SLC14A2: variants seen among roughly 807,000 people sequenced by gnomAD.
SLC14A2 encodes solute carrier family 14 member 2.
In SLC14A2, 91 loss-of-function variants were observed where a neutral mutation model predicts 104.6. That is an observed-to-expected ratio of 0.87 (90% CI 0.73 to 1.04). SLC14A2 has a LOEUF of 1.04. SLC14A2 is among the 50% of genes least tolerant of loss of function. The probability of loss-of-function intolerance (pLI) is 0.00; values close to 1 mark genes in which losing one functional copy is unlikely to be tolerated. For synonymous variants in SLC14A2, 476 were observed against 466.4 expected (o/e 1.02, Z -0.27); for missense variants, 1,189 against 1,156.0 (o/e 1.03, Z -0.41).
intron 2 of SLC14A2, among the ~76,000 whole-genome samples, chr18:45,552,190 G>A (rs2044065260): frequency 6.6e-6 from 1 of 152,086 alleles, no homozygotes; most frequent in Non-Finnish European, 1.5e-5. Context: ...AATGAAATGG[G>A]CCCAAGAAAA....
At chr18:45,613,416 C>T (rs768678604), upstream of SLC14A2, among the ~76,000 whole-genome samples, 1 of 152,130 alleles carries the variant, frequency 6.6e-6, no homozygotes, top group Non-Finnish European at 1.5e-5. Flanking sequence ...AATGTGGAAG[C>T]AAGTAGGGAA....
chr18:45,503,326 C>T lies in SLC14A2; in HGVS notation c.-35+20004C>T, dbSNP rs747332244. On this transcript the variant is annotated intron_variant, in intron 2 of 20. Coordinates refer to the SLC14A2 transcript ENST00000586448. ...ACAAGCTCTACAAGGGGTCTCTCCA[C>T]GTTATGTACATTAACCAAAATGGGG... Among the ~76,000 whole-genome samples the T allele has an allele frequency of 3.9e-5, 6 of 152,140 alleles. No homozygotes were observed. The South Asian group carries it at 8.3e-4, about 21-fold the overall frequency.
chr18:45,403,283 C>T (rs1241653957), intron 1 of SLC14A2, among the ~76,000 whole-genome samples: 4 of 152,172 alleles, frequency 2.6e-5, no homozygotes. Flanking sequence ...TCATTAATTA[C>T]CTCCTTAAAG....
chr18:45,300,138 C>G (rs935181393), intron 1 of SLC14A2, among the ~76,000 whole-genome samples: 6 of 152,144 alleles, frequency 3.9e-5, no homozygotes, highest in Admixed American at 6.5e-5. Context: ...AGGAAAAAAA[C>G]AAGACTGACC....
At chr18:45,173,587 T>G in the SLC14A2 span, among the ~76,000 whole-genome samples, 65 of 151,938 alleles carry the variant, frequency 4.3e-4, no homozygotes, top group Non-Finnish European at 7.4e-4. Flanking sequence ...GGTGTTTGGG[T>G]GCTGATGGGC....
intron 1 of SLC14A2, among the ~76,000 whole-genome samples, chr18:45,389,285 G>A (rs922088454): frequency 2.0e-5 from 3 of 152,184 alleles, no homozygotes; most frequent in Admixed American, 2.0e-4. Flanking sequence ...TTTGCTTATT[G>A]GTTTGATGCT....
At chr18:45,233,775 TC>T (rs2084198877) in intron 1 of SLC14A2, among the ~76,000 whole-genome samples, 1 of 16,216 alleles carries the variant, frequency 6.2e-5, no homozygotes, top group African/African-American at 2.3e-4. Context: ...CCGCCCCGAC[TC>T]CCCCTTCCCC....
At chr18:45,193,779 A>G in the SLC14A2 span, among the ~76,000 whole-genome samples, 1 of 152,170 alleles carries the variant, frequency 6.6e-6, no homozygotes, top group Non-Finnish European at 1.5e-5. Flanking sequence ...TTAGAATTAT[A>G]TTGATTCTAG....
At chr18:45,252,859 G>A (rs961376883) in intron 1 of SLC14A2, among the ~76,000 whole-genome samples, 1 of 142,958 alleles carries the variant, frequency 7.0e-6, no homozygotes, top group Non-Finnish European at 1.5e-5. Context: ...TAAAAAGCAT[G>A]ATTAGGCTGG....
chr18:45,424,151 G>C (rs2086389216), intron 1 of SLC14A2: 1 of 152,170 alleles, frequency 6.6e-6, no homozygotes, highest in South Asian at 2.1e-4. Flanking sequence ...GGGAAGATGG[G>C]ATTTCCTGTA....
upstream of SLC14A2, among the ~76,000 whole-genome samples, chr18:45,210,887 CACT>C (rs1425092828): frequency 6.6e-6 from 1 of 152,146 alleles, no homozygotes; most frequent in Non-Finnish European, 1.5e-5. Context: ...GCTTTATTAA[CACT>C]ACTACTATTT....
chr18:45,575,533 C>A (rs560838698), intron 2 of SLC14A2, among the ~76,000 whole-genome samples: 1 of 151,982 alleles, frequency 6.6e-6, no homozygotes, highest in Non-Finnish European at 1.5e-5. Context: ...TTCAGAAGCT[C>A]GTCTCATCAC....
At chr18:45,554,531 C>T (rs1443995825) in intron 2 of SLC14A2, among the ~76,000 whole-genome samples, 6 of 152,134 alleles carry the variant, frequency 3.9e-5, no homozygotes, top group Non-Finnish European at 7.4e-5. Context: ...TGGCAAGCAA[C>T]GGGAGCAGCT....
At chr18:45,444,921 C>T (rs1183137726) in intron 1 of SLC14A2, among the ~76,000 whole-genome samples, 1 of 152,098 alleles carries the variant, frequency 6.6e-6, no homozygotes, top group Non-Finnish European at 1.5e-5. Flanking sequence ...CTTTTGTAAA[C>T]TTGGATTTGA....
At chr18:45,321,295 T>C (rs754114451) in intron 1 of SLC14A2, among the ~76,000 whole-genome samples, 1 of 152,232 alleles carries the variant, frequency 6.6e-6, no homozygotes, top group South Asian at 2.1e-4. Context: ...AAGGGGACCA[T>C]ATGATCTCAG....
At chr18:45,197,045 A>C in the SLC14A2 span, among the ~76,000 whole-genome samples, 5 of 152,150 alleles carry the variant, frequency 3.3e-5, no homozygotes, top group Non-Finnish European at 5.9e-5. Context: ...CCGGAGGAAA[A>C]AGGTAGCGGC....
intron 1 of SLC14A2, among the ~76,000 whole-genome samples, chr18:45,475,470 C>T (rs1278099291): frequency 6.6e-6 from 1 of 151,230 alleles, no homozygotes; most frequent in African/African-American, 2.4e-5. Context: ...GGTGTTAATA[C>T]ACTATTATTG....
chr18:45,413,297 G>A (rs926448167), intron 1 of SLC14A2, among the ~76,000 whole-genome samples: 1 of 152,150 alleles, frequency 6.6e-6, no homozygotes, highest in Non-Finnish European at 1.5e-5. Flanking sequence ...AAACTCAATT[G>A]TTTCTACATC....
chr18:45,665,236 A>C (rs1202156891), intron 11 of SLC14A2, among the ~76,000 whole-genome samples: 5 of 152,136 alleles, frequency 3.3e-5, no homozygotes, highest in Non-Finnish European at 7.3e-5. Context: ...GGGAACAGGC[A>C]ATTCAGTCTG....
Sources: gnomAD v4.1 joint callset for allele counts (sites outside exome capture counted in the v4.1 genomes callset) on GRCh38, gnomAD v4.1.1 for gene constraint, MANE v1.5 for transcripts, NCBI Gene and HGNC (gene_info 2026-07-23, HGNC 2026-07-21) for gene names.